Variants in IFNGR2 observed in about 807,000 individuals in gnomAD.
IFNGR2 encodes the protein IFN-gamma receptor 2.
Under a neutral mutation model 41.1 loss-of-function variants are expected in IFNGR2, and 15 were observed. The ratio of observed to expected loss-of-function variants is 0.37; its 90% CI spans 0.24 to 0.56. The LOEUF (loss-of-function observed/expected upper bound fraction) is 0.56, where lower values mean the gene tolerates loss of function less well. Among genes scored for constraint, IFNGR2 ranks in the 20% least tolerant of loss-of-function variants. IFNGR2 has a pLI of 0.81. For synonymous variants in IFNGR2, 161 were observed against 171.6 expected (o/e 0.94, Z 0.48); for missense variants, 362 against 415.7 (o/e 0.87, Z 1.12).
At chr21:33,432,678 A>G (rs1393402735) in intron 5 of IFNGR2, 36 bp from the exon 6 acceptor site, 1 of 1,609,532 alleles carries the variant, frequency 6.2e-7, no homozygotes, top group Non-Finnish European at 8.5e-7. Flanking sequence ...TGTGCGTAGG[A>G]AGATCATTCT....
intron 3 of IFNGR2, among the ~76,000 whole-genome samples, chr21:33,422,450 A>C (rs1389614808): frequency 6.6e-6 from 1 of 152,194 alleles, no homozygotes; most frequent in African/African-American, 2.4e-5. Flanking sequence ...TATATAATGA[A>C]CAATTTTATT....
In IFNGR2 at chr21:33,432,534, T is replaced by C. The variant is rs2083899011; in HGVS notation, c.722-180T>C. 4 of 860,138 alleles carry C rather than the reference T, an allele frequency of 4.7e-6. No homozygotes were observed. In the East Asian group the frequency reaches 1.0e-4, roughly 22 times the overall value. 53.3% of individuals were successfully genotyped at this position (860,138 alleles called of 1,614,324 possible). Reference sequence around the variant, plus strand: ...ACCAGACAGCTACCACTTGCTTTATTTCATTACAGGATTGACTTTAGCTAT... The same window carrying C: ...ACCAGACAGCTACCACTTGCTTTATCTCATTACAGGATTGACTTTAGCTAT... On this transcript the variant is annotated intron_variant, in intron 5 of 6. Transcript: ENST00000290219.
chr21:33,433,710 T>A (rs1397835743), intron 6 of IFNGR2, among the ~76,000 whole-genome samples: 1 of 152,182 alleles, frequency 6.6e-6, no homozygotes, highest in African/African-American at 2.4e-5. Context: ...AATGTGAATG[T>A]GCTTGGCACT....
chr21:33,412,586 C>A (rs187089756), intron 1 of IFNGR2, among the ~76,000 whole-genome samples: 4 of 152,124 alleles, frequency 2.6e-5, no homozygotes, highest in Non-Finnish European at 4.4e-5. Flanking sequence ...GACGGAGTGC[C>A]GCTCTGTCGC....
At chr21:33,431,578 AAG>A (rs2083888320) in intron 4 of IFNGR2, among the ~76,000 whole-genome samples, 3 of 152,192 alleles carry the variant, frequency 2.0e-5, no homozygotes, top group African/African-American at 7.2e-5. Flanking sequence ...CAAAAAAAAA[AAG>A]AAATACAAAA....
chr21:33,415,102 C>A (rs932345545), intron 2 of IFNGR2, 82 bp downstream of exon 2: 11 of 1,500,730 alleles, frequency 7.3e-6, no homozygotes, highest in Admixed American at 6.7e-5. Context: ...CTAGTCCCTG[C>A]CTCTGTGCAG....
chr21:33,404,504 T>C (rs543129856), intron 1 of IFNGR2, among the ~76,000 whole-genome samples: 1 of 152,164 alleles, frequency 6.6e-6, no homozygotes, highest in African/African-American at 2.4e-5. Flanking sequence ...GTGGGCAGCA[T>C]CTCAGCTACT....
chr21:33,419,990 C>T (rs779495981), intron 2 of IFNGR2, among the ~76,000 whole-genome samples: 5 of 152,128 alleles, frequency 3.3e-5, no homozygotes, highest in Admixed American at 2.6e-4. Flanking sequence ...TTCCAGAGCA[C>T]GCCCCTCACC....
chr21:33,424,733 A>G (rs2083821423), intron 3 of IFNGR2, among the ~76,000 whole-genome samples: 1 of 151,734 alleles, frequency 6.6e-6, no homozygotes, highest in Non-Finnish European at 1.5e-5. Flanking sequence ...GGATAACCTT[A>G]TTTGTTTTTT....
chr21:33,433,057 T>A (rs955815573), intron 6 of IFNGR2, among the ~76,000 whole-genome samples, 186 bp downstream of exon 6: 1 of 152,128 alleles, frequency 6.6e-6, no homozygotes, highest in African/African-American at 2.4e-5. Flanking sequence ...TGCTAATTTT[T>A]GTATTTTTGG....
chr21:33,416,932 T>C (rs1031794942), intron 2 of IFNGR2, among the ~76,000 whole-genome samples: 2 of 149,718 alleles, frequency 1.3e-5, no homozygotes, highest in African/African-American at 2.4e-5. Context: ...TTTCTTTTTT[T>C]TTTTTTTTTT....
At chr21:33,418,396 A>G (rs1439289554) in intron 2 of IFNGR2, among the ~76,000 whole-genome samples, 1 of 152,162 alleles carries the variant, frequency 6.6e-6, no homozygotes, top group Non-Finnish European at 1.5e-5. Context: ...GTTAGGGTAC[A>G]TGTGAATATT....
chr21:33,403,271 G>C (rs1178253064), upstream of IFNGR2: 1 of 158,422 alleles, frequency 6.3e-6, no homozygotes, highest in African/African-American at 2.4e-5. Flanking sequence ...GGGTCCCCGC[G>C]CTGCAGCCGC....
At chr21:33,421,967 G>T (rs562682990) in intron 3 of IFNGR2, among the ~76,000 whole-genome samples, 1 of 152,170 alleles carries the variant, frequency 6.6e-6, no homozygotes, top group East Asian at 1.9e-4. Context: ...ATCTTTTATT[G>T]TGTCTATGAC....
At chr21:33,416,438 T>A (rs2083753958) in intron 2 of IFNGR2, among the ~76,000 whole-genome samples, 1 of 152,208 alleles carries the variant, frequency 6.6e-6, no homozygotes, top group Admixed American at 6.5e-5. Context: ...AAAAATTTTT[T>A]ATTCACTTTT....
intron 1 of IFNGR2, among the ~76,000 whole-genome samples, chr21:33,406,509 T>TAAA (rs1370329328): frequency 1.1e-4 from 16 of 152,298 alleles, no homozygotes; most frequent in African/African-American, 3.6e-4. Flanking sequence ...AACACTCTTT[T>TAAA]AGTCAAAACA....
At chr21:33,413,322 GTGT>G (rs1159488027) in intron 1 of IFNGR2, among the ~76,000 whole-genome samples, 2 of 152,190 alleles carry the variant, frequency 1.3e-5, no homozygotes, top group African/African-American at 4.8e-5. Context: ...GTCAGGAGAA[GTGT>G]TGTTAGCTGG....
chr21:33,405,103 GAAAAAAAAAAAAA>G (rs3057379), intron 1 of IFNGR2, among the ~76,000 whole-genome samples: 1 of 119,834 alleles, frequency 8.3e-6, no homozygotes, highest in Non-Finnish European at 1.8e-5. Context: ...CTCTGTCTCA[GAAAAAAAAAAAAA>G]AAAAAAAGAA....
chr21:33,433,062 T>G (rs1269808706), intron 6 of IFNGR2, among the ~76,000 whole-genome samples, 191 bp downstream of exon 6: 1 of 152,072 alleles, frequency 6.6e-6, no homozygotes, highest in Admixed American at 6.6e-5. Context: ...ATTTTTGTAT[T>G]TTTGGTAGAA....
Sources: gnomAD v4.1 joint callset for allele counts (sites outside exome capture counted in the v4.1 genomes callset) on GRCh38, gnomAD v4.1.1 for gene constraint, MANE v1.5 for transcripts, NCBI Gene and HGNC (gene_info 2026-07-23, HGNC 2026-07-21) for gene names.